Variants in RP1 observed in about 807,000 individuals in gnomAD.
RP1 encodes oxygen-regulated protein 1.
Under a neutral mutation model 14.8 loss-of-function variants are expected in RP1, and 16 were observed. That is an observed-to-expected ratio of 1.08 (90% CI 0.73 to 1.65). The LOEUF (loss-of-function observed/expected upper bound fraction) is 1.65, where lower values mean the gene tolerates loss of function less well. Among genes scored for constraint, RP1 ranks in the 40% most tolerant of loss-of-function variants. The pLI is 0.00. For missense variants in RP1, 2,631 were observed against 2,535.0 expected (o/e 1.04, Z -0.81); for synonymous variants, 876 against 883.6 (o/e 0.99, Z 0.15).
intron 27 of RP1, among the ~76,000 whole-genome samples, chr8:54,862,690 G>A (rs1812371482): frequency 6.6e-6 from 1 of 152,076 alleles, no homozygotes; most frequent in Non-Finnish European, 1.5e-5. Context: ...GGTCAGAGCT[G>A]GTTACAGCAC....
Position 54,624,867 on chromosome 8 carries a change from G to T in RP1, c.985G>T (p.Gly329Cys), listed in dbSNP as rs747898942. The change falls in exon 4 of 4, where the codon GGC becomes TGC. Residue 329 changes from glycine to cysteine, a missense_variant. Gly to Cys is a radical substitution (Grantham distance 159). Transcript: ENST00000220676. ...IEKSIIFNQD[G>C]TMTVEMKVRF... ...GAAATCAATTATTTTTAATCAAGAC[G>T]GCACTATGACAGTTGAGATGAAAGT... 1 of 1,613,526 alleles carries T rather than the reference G, an allele frequency of 6.2e-7. No homozygotes were observed. Among genetic ancestry groups the T allele is most frequent in the Admixed American group, 1.7e-5 (1 of 59,952 alleles).
chr8:54,763,349 C>T (rs547052587), intron 22 of RP1, among the ~76,000 whole-genome samples: 1 of 152,170 alleles, frequency 6.6e-6, no homozygotes, highest in Non-Finnish European at 1.5e-5. Context: ...TTTCATAACT[C>T]CTGGTTTGGG....
chr8:54,673,741 A>AAACAACAACAAC (rs4014240), intron 7 of RP1: 2 of 813,880 alleles, frequency 2.5e-6, no homozygotes, highest in African/African-American at 1.7e-5. Context: ...GCCTGTCTCA[A>AAACAACAACAAC]AACAACAACA....
chr8:54,844,621 C>T (rs1811870314), intron 25 of RP1, among the ~76,000 whole-genome samples: 3 of 152,142 alleles, frequency 2.0e-5, no homozygotes, highest in African/African-American at 7.2e-5. Context: ...CATGTGTAGA[C>T]ATGCTTGCAT....
At chr8:54,794,306 A>G (rs544993057) in intron 24 of RP1, among the ~76,000 whole-genome samples, 1 of 152,142 alleles carries the variant, frequency 6.6e-6, no homozygotes, top group Admixed American at 6.5e-5. Context: ...ATCTGATTTC[A>G]CACTATATTC....
At chr8:54,587,370 G>C (rs182668112) in intron 1 of RP1, among the ~76,000 whole-genome samples, 1 of 150,550 alleles carries the variant, frequency 6.6e-6, no homozygotes, top group East Asian at 2.0e-4. Flanking sequence ...AGGTTGTAGT[G>C]AGCCGAGATT....
rs964039488 is a variant in RP1, at chr8:54,711,231, C to T, written c.2211+4576C>T. On this transcript the variant is annotated intron_variant, in intron 15 of 22. Transcript: ENST00000636932. ...AGGTTTTGAAGATCTTCCTGGCCTA[C>T]ATCATACTGTACATCGGTAACTTTT... Among the ~76,000 whole-genome samples, 8 of 152,258 alleles carry T rather than the reference C, an allele frequency of 5.3e-5. No individual in the cohort carries two copies. The South Asian group carries it at 1.7e-3, about 32-fold the overall frequency.
chr8:54,804,289 A>G (rs1810793544), intron 24 of RP1, among the ~76,000 whole-genome samples: 1 of 152,160 alleles, frequency 6.6e-6, no homozygotes, highest in African/African-American at 2.4e-5. Flanking sequence ...AAGTAAAAGG[A>G]AAATGAAACA....
chr8:54,608,837 T>C (rs541378807), intron 1 of RP1, among the ~76,000 whole-genome samples: 30 of 152,312 alleles, frequency 2.0e-4, no homozygotes, highest in Middle Eastern at 6.8e-3. Context: ...TAAAGTGTAT[T>C]TGGGCTGAGT....
At chr8:54,602,966 A>T (rs1323914801) in intron 1 of RP1, among the ~76,000 whole-genome samples, 1 of 151,986 alleles carries the variant, frequency 6.6e-6, no homozygotes, top group Non-Finnish European at 1.5e-5. Flanking sequence ...GATGGCAAAA[A>T]TTTTCTCCCA....
chr8:54,691,819 T>C (rs1353214956), intron 12 of RP1, among the ~76,000 whole-genome samples: 1 of 152,014 alleles, frequency 6.6e-6, no homozygotes, highest in Admixed American at 6.6e-5. Flanking sequence ...TTTTATTTTA[T>C]TTTATTATTA....
chr8:54,782,058 A>G (rs1320420912), intron 23 of RP1, among the ~76,000 whole-genome samples: 2 of 152,222 alleles, frequency 1.3e-5, no homozygotes, highest in Admixed American at 1.3e-4. Flanking sequence ...ACAAAAAAGG[A>G]AAGAGATCCT....
chr8:54,734,866 T>C (rs1345433218), intron 18 of RP1: 7 of 730,462 alleles, frequency 9.6e-6, no homozygotes, highest in Non-Finnish European at 1.2e-5. Flanking sequence ...TCTTTTAGAA[T>C]GCCTGTAAGT....
At chr8:54,653,724 T>C (rs773731353) in intron 5 of RP1, among the ~76,000 whole-genome samples, 6 of 152,216 alleles carry the variant, frequency 3.9e-5, no homozygotes, top group Non-Finnish European at 8.8e-5. Context: ...ATACAGAATG[T>C]TGAGGTTATA....
intron 3 of RP1, among the ~76,000 whole-genome samples, chr8:54,644,810 T>C (rs1352893435): frequency 6.6e-6 from 1 of 152,132 alleles, no homozygotes; most frequent in African/African-American, 2.4e-5. Flanking sequence ...TCAGCAGAAT[T>C]GGTTCCTTTG....
intron 19 of RP1, among the ~76,000 whole-genome samples, chr8:54,744,065 C>T (rs1349933539): frequency 6.6e-6 from 1 of 152,070 alleles, no homozygotes. Context: ...AACAGCATTT[C>T]CAAAACTAAA....
chr8:54,694,290 T>G (rs1807798291), intron 12 of RP1, among the ~76,000 whole-genome samples: 1 of 152,160 alleles, frequency 6.6e-6, no homozygotes. Flanking sequence ...CTTTTTTTGT[T>G]GTGTCTCTGC....
Position 54,680,630 on chromosome 8 carries a change from G to A in RP1, c.1717+697G>A, listed in dbSNP as rs565204214. 2.4e-4 allele frequency among the ~76,000 whole-genome samples: 36 copies of A among 152,266 alleles called. No individual in the cohort carries two copies. The South Asian group carries it at 7.3e-3, about 31-fold the overall frequency. Reference sequence around the variant, plus strand: ...GTAACCCCTTCTGCCTCGTATTTGAGATCCTAGGGAACAACCAGTTTTCTC... The same window carrying A: ...GTAACCCCTTCTGCCTCGTATTTGAAATCCTAGGGAACAACCAGTTTTCTC... On this transcript the variant is annotated intron_variant, in intron 12 of 22. Coordinates refer to the RP1 transcript ENST00000636932.
At chr8:54,805,256 C>A (rs1324255769) in intron 24 of RP1, among the ~76,000 whole-genome samples, 1 of 152,052 alleles carries the variant, frequency 6.6e-6, no homozygotes, top group Non-Finnish European at 1.5e-5. Flanking sequence ...TGCTTATTTG[C>A]TAGTTATATA....
Sources: gnomAD v4.1 joint callset for allele counts (sites outside exome capture counted in the v4.1 genomes callset) on GRCh38, gnomAD v4.1.1 for gene constraint, MANE v1.5 for transcripts, NCBI Gene and HGNC (gene_info 2026-07-23, HGNC 2026-07-21) for gene names.